Variants in DUSP16 observed in about 807,000 individuals in gnomAD.
DUSP16 encodes dual specificity protein phosphatase 16.
Under a neutral mutation model 58.3 loss-of-function variants are expected in DUSP16, and 21 were observed. That is an observed-to-expected ratio of 0.36 (90% CI 0.26 to 0.52). The LOEUF (loss-of-function observed/expected upper bound fraction) is 0.52. DUSP16 is among the 20% of genes least tolerant of loss of function. The pLI is 0.94. For missense variants in DUSP16, 726 were observed against 819.0 expected (o/e 0.89, Z 1.39); for synonymous variants, 320 against 323.8 (o/e 0.99, Z 0.12).
rs141483330 is a variant in DUSP16 at position 12,540,075 on chromosome 12, G to A, written c.-365-18612C>T. 2.4e-3 allele frequency among the ~76,000 whole-genome samples: 366 copies of A among 150,578 alleles called. 1 individual carries two copies. Among genetic ancestry groups the A allele is most frequent in the Non-Finnish European group, 4.1e-3 (276 of 67,654 alleles). On this transcript the variant is annotated intron_variant, in intron 1 of 6. Coordinates refer to ENST00000298573, the MANE Select transcript of DUSP16 (RefSeq NM_030640.3). ...GTCTCATAAAAAGAAAAAAGAAAAT[G>A]AGACCAGGAGTTTGAGACTAGCCTA...
chr12:12,488,186 C>CGATT (rs1943711433), intron 4 of DUSP16, among the ~76,000 whole-genome samples: 1 of 152,182 alleles, frequency 6.6e-6, no homozygotes, highest in Non-Finnish European at 1.5e-5. Flanking sequence ...TGTATACCCA[C>CGATT]CCTCTGTTCA....
At chr12:12,533,102 T>C (rs1159282057) in intron 1 of DUSP16, among the ~76,000 whole-genome samples, 2 of 152,282 alleles carry the variant, frequency 1.3e-5, no homozygotes, top group East Asian at 3.9e-4. Flanking sequence ...AAATTTTAAA[T>C]CACATGTTTA....
chr12:12,506,298 C>T (rs1356681094), intron 3 of DUSP16: 4 of 152,210 alleles, frequency 2.6e-5, no homozygotes, highest in African/African-American at 4.8e-5. Flanking sequence ...TTTATGCAAA[C>T]GTTCTGCTCC....
intron 1 of DUSP16, among the ~76,000 whole-genome samples, chr12:12,535,851 G>A (rs144505307): frequency 2.4e-4 from 36 of 152,286 alleles, no homozygotes; most frequent in African/African-American, 7.2e-4. Flanking sequence ...TGCAGAAAAC[G>A]CATGAGCAAA....
At chr12:12,504,643 T>G (rs1209212144) in intron 3 of DUSP16, among the ~76,000 whole-genome samples, 1 of 149,604 alleles carries the variant, frequency 6.7e-6, no homozygotes, top group Non-Finnish European at 1.5e-5. Context: ...GGTTGTCATT[T>G]AAATTCAACA....
chr12:12,504,134 G>A (rs956516543), intron 3 of DUSP16, among the ~76,000 whole-genome samples: 5 of 152,150 alleles, frequency 3.3e-5, no homozygotes, highest in African/African-American at 1.2e-4. Flanking sequence ...AACAATAAAT[G>A]TTAAAGATTC....
chr12:12,553,446 TAA>T (rs1272565607), intron 1 of DUSP16, among the ~76,000 whole-genome samples: 1 of 152,234 alleles, frequency 6.6e-6, no homozygotes, highest in Admixed American at 6.5e-5. Flanking sequence ...CTTCCAAGGA[TAA>T]AAGAGACAAA....
intron 4 of DUSP16, among the ~76,000 whole-genome samples, chr12:12,499,619 C>T (rs970302465): frequency 6.6e-6 from 1 of 152,134 alleles, no homozygotes; most frequent in African/African-American, 2.4e-5. Context: ...TACAATCAGC[C>T]CAATTCTTCT....
At position 12,562,272 on chromosome 12, in the gene DUSP16, CTCCTCCTCTTCTTT is replaced by C. The variant is rs1944917149; in HGVS notation, c.-535_-522del. On this transcript the variant is annotated 5_prime_UTR_variant, in exon 1 of 7. Coordinates refer to ENST00000298573, the MANE Select transcript of DUSP16 (RefSeq NM_030640.3). ...GCTCGCGTCCCGTCCCGTCGCTCTC[CTCCTCCTCTTCTTT>C]TCAGTATATTATCTTCTCCTTCTCT... is the stretch of plus-strand genomic sequence containing the variant. The C allele has an allele frequency of 6.6e-6, 1 of 151,734 alleles. No homozygotes were observed. Among genetic ancestry groups the C allele is most frequent in the Admixed American group, 6.6e-5 (1 of 15,262 alleles). 9.4% of individuals were successfully genotyped at this position (151,734 alleles called of 1,614,324 possible).
intron 1 of DUSP16, among the ~76,000 whole-genome samples, chr12:12,554,005 C>T (rs1052489823): frequency 2.0e-5 from 3 of 151,942 alleles, no homozygotes; most frequent in Admixed American, 2.0e-4. Flanking sequence ...TGAGACCAGC[C>T]TGGCCACCCT....
chr12:12,496,431 T>C (rs1343425989), intron 4 of DUSP16, among the ~76,000 whole-genome samples: 4 of 152,162 alleles, frequency 2.6e-5, no homozygotes, highest in African/African-American at 9.6e-5. Flanking sequence ...TAAGAAAGCC[T>C]AGGAAAACCA....
At chr12:12,487,215 G>C (rs1294071420) in intron 4 of DUSP16, 28 bp from the exon 5 acceptor site, 1 of 1,608,660 alleles carries the variant, frequency 6.2e-7, no homozygotes, top group Non-Finnish European at 8.5e-7. Context: ...AGCAGTTAAA[G>C]TGACTAATAA....
At position 12,477,809 on chromosome 12, in the gene DUSP16, C is replaced by T. The variant is rs138331584; in HGVS notation, c.1022G>A (p.Cys341Tyr). The T allele has an allele frequency of 2.5e-4, 399 of 1,614,060 alleles. 3 individuals are homozygous for T. The African/African-American group carries it at 4.7e-3, about 19-fold the overall frequency. ...TGCCTCTGAGGTAGCAGAGTCGGCACAGGGTGGACTGAGGGGCGTCTCGCT... is the reference window on the plus strand; with the variant it reads ...TGCCTCTGAGGTAGCAGAGTCGGCATAGGGTGGACTGAGGGGCGTCTCGCT... ...QKSETPLSPP[C>Y]ADSATSEAAG... Residue 341 changes from cysteine to tyrosine, a missense_variant, in exon 7 of 7, where the codon TGT becomes TAT. Cys to Tyr is a radical substitution (Grantham distance 194, BLOSUM62 -2). Coordinates refer to ENST00000298573, the MANE Select transcript of DUSP16 (RefSeq NM_030640.3). The surrounding 1 kb of genome is among the most constrained non-coding windows in gnomAD (Gnocchi z 4.1).
At chr12:12,542,983 C>A (rs1197704097) in intron 1 of DUSP16, among the ~76,000 whole-genome samples, 1 of 152,146 alleles carries the variant, frequency 6.6e-6, no homozygotes, top group Admixed American at 6.5e-5. Flanking sequence ...GAAATTGGTA[C>A]TCTGCAACCC....
At chr12:12,522,312 C>A (rs1171212777) in intron 1 of DUSP16, among the ~76,000 whole-genome samples, 1 of 152,186 alleles carries the variant, frequency 6.6e-6, no homozygotes, top group African/African-American at 2.4e-5. Context: ...ACCCCTTAAC[C>A]TGGAACTCTA....
At chr12:12,499,959 ATCCATGCTCT>A (rs910882611) in intron 4 of DUSP16, among the ~76,000 whole-genome samples, 45 of 151,816 alleles carry the variant, frequency 3.0e-4, no homozygotes, top group Admixed American at 6.6e-5. Flanking sequence ...TTCATCAATA[ATCCATGCTCT>A]TCCCTCTTCC....
At chr12:12,510,111 C>T (rs1944053669) in intron 3 of DUSP16, among the ~76,000 whole-genome samples, 1 of 152,052 alleles carries the variant, frequency 6.6e-6, no homozygotes, top group African/African-American at 2.4e-5. Flanking sequence ...GGACTCCACA[C>T]CGGTGTGGAG....
At chr12:12,518,998 T>C (rs180814231) in intron 3 of DUSP16, among the ~76,000 whole-genome samples, 1 of 152,326 alleles carries the variant, frequency 6.6e-6, no homozygotes, top group Non-Finnish European at 1.5e-5. Flanking sequence ...TTAGACCAAA[T>C]GTTTAAAAGC....
intron 1 of DUSP16, among the ~76,000 whole-genome samples, chr12:12,534,785 C>T (rs941093809): frequency 6.6e-6 from 1 of 152,114 alleles, no homozygotes; most frequent in Non-Finnish European, 1.5e-5. Context: ...CATCTATCAG[C>T]CTTTAAAATC....
Sources: gnomAD v4.1 joint callset for allele counts (sites outside exome capture counted in the v4.1 genomes callset) on GRCh38, gnomAD v4.1.1 for gene constraint, Gnocchi (gnomAD v3.1) non-coding constraint, MANE v1.5 for transcripts, NCBI Gene and HGNC (gene_info 2026-07-23, HGNC 2026-07-21) for gene names.